The following VPS51 variants were observed in gnomAD, a reference collection of about 807,000 sequenced individuals.
The protein encoded by VPS51 is VPS51 subunit of GARP complex.
Under a neutral mutation model 65.1 loss-of-function variants are expected in VPS51, and 55 were observed. That is an observed-to-expected ratio of 0.84 (90% CI 0.68 to 1.06). VPS51 has a LOEUF of 1.06. Ranked by LOEUF, VPS51 falls within the 50% of genes least tolerant of loss-of-function variation. VPS51 has a pLI of 0.00. For synonymous variants in VPS51, 473 were observed against 489.5 expected, an observed-to-expected ratio of 0.97 and a Z score of 0.44; for missense variants, 943 against 1,101.6, an observed-to-expected ratio of 0.86 and a Z score of 2.04.
chr11:65,109,194 G>T, intron 5 of VPS51, 86 bp from the exon 6 acceptor site: 1 of 1,413,418 alleles, frequency 7.1e-7, no homozygotes, highest in South Asian at 1.3e-5. Flanking sequence ...GAGGGGGCTG[G>T]GGCACTTAGA....
intron 2 of VPS51, among the ~76,000 whole-genome samples, chr11:65,103,011 G>A (rs1222957329): frequency 2.0e-5 from 3 of 152,166 alleles, no homozygotes; most frequent in South Asian, 4.1e-4. Context: ...AAAATTAGCC[G>A]GGTGTGATGG....
At chr11:65,105,177 A>G (rs1590811719) in intron 2 of VPS51, among the ~76,000 whole-genome samples, 1 of 152,026 alleles carries the variant, frequency 6.6e-6, no homozygotes, top group African/African-American at 2.4e-5. Context: ...AGGCGGGTGG[A>G]TCACTTGAGG....
In VPS51 at chr11:65,108,492, G is replaced by A. The variant is rs11548902; in HGVS notation, c.1021G>A (p.Ala341Thr). 2.5e-6 allele frequency: 4 copies of A among 1,603,426 alleles called. No individual in the cohort carries two copies. The highest frequency in any genetic ancestry group is 3.4e-6 in the Non-Finnish European group (4 of 1,178,026). Residue 341 changes from alanine to threonine, a missense_variant, in exon 5 of 10, where the codon GCC becomes ACC. By Grantham distance (58) the Ala-to-Thr change is moderately conservative (BLOSUM62 0). Around this residue, in one of 2 missense-constraint regions of VPS51, gnomAD observed 855 missense variants for 953.7 expected, o/e 0.90. Transcript: ENST00000279281. Reference protein sequence around the residue: ...PAGAEKLAAFARQLGSRYFAL... With the variant: ...PAGAEKLAAFTRQLGSRYFAL... Reference sequence around the variant, plus strand: ...AGGTGCCGAGAAGCTGGCGGCCTTCGCCCGGCAGCTGGGCAGCCGCTATTT... The same window carrying A: ...AGGTGCCGAGAAGCTGGCGGCCTTCACCCGGCAGCTGGGCAGCCGCTATTT...
Position 65,110,906 on chromosome 11 carries a change from C to CTCTG in VPS51, c.2088+129_2088+132dup, listed in dbSNP as rs576561198. 3 of 1,166,278 alleles carry CTCTG rather than the reference C, an allele frequency of 2.6e-6. No individual in the cohort carries two copies. In the East Asian group the frequency reaches 7.1e-5, roughly 27 times the overall value. 72.2% of individuals were successfully genotyped at this position (1,166,278 alleles called of 1,614,324 possible). A position where few individuals can be genotyped will look rare whatever the true frequency, so the allele number is the denominator to read the frequency against. On this transcript the variant is annotated intron_variant, in intron 9 of 9. Coordinates refer to ENST00000279281, the MANE Select transcript of VPS51 (RefSeq NM_013265.4). ...CTGGGGGTGACCCTGACCCTCCAGT[C>CTCTG]TCTGTCTCTAGGGCTGTTTTTAGGT...
At chr11:65,109,985 G>T in intron 7 of VPS51, 62 bp downstream of exon 7, 1 of 1,490,304 alleles carries the variant, frequency 6.7e-7, no homozygotes, top group Admixed American at 2.0e-5. Flanking sequence ...CCTTCAAGAG[G>T]GGCTGGGGCA....
chr11:65,104,434 G>A (rs1947829040), intron 2 of VPS51, among the ~76,000 whole-genome samples: 1 of 152,198 alleles, frequency 6.6e-6, no homozygotes, highest in Non-Finnish European at 1.5e-5. Flanking sequence ...ATGATACTGA[G>A]TTTTGGAGGT....
In VPS51 at chr11:65,110,714, T is replaced by C; in HGVS notation, c.2021T>C (p.Leu674Pro). 1 of 1,614,142 alleles carries C rather than the reference T, an allele frequency of 6.2e-7. No homozygotes were observed. Among genetic ancestry groups the C allele is most frequent in the Non-Finnish European group, 8.5e-7 (1 of 1,180,016 alleles). Reference sequence around the variant, plus strand: ...TCCAGTGCCCCGATGGACACCAACCTCTTGAGCAATATCCAGAAGCTATTC... The same window carrying C: ...TCCAGTGCCCCGATGGACACCAACCCCTTGAGCAATATCCAGAAGCTATTC... ...YTPSAPMDTN[L>P]LSNIQKLFSE... The change falls in exon 9 of 10, where the codon CTC (leucine) becomes CCC (proline). Residue 674 changes from leucine (L) to proline (P), a missense_variant. Leu to Pro is a moderately conservative substitution (Grantham distance 98). Coordinates refer to ENST00000279281, the MANE Select transcript of VPS51 (RefSeq NM_013265.4).
chr11:65,110,060 C>A, intron 7 of VPS51, 137 bp downstream of exon 7: 2 of 981,344 alleles, frequency 2.0e-6, no homozygotes, highest in Non-Finnish European at 3.0e-6. Flanking sequence ...TCTCACGGGG[C>A]CAGTTCTGTA....
At chr11:65,096,744 G>T (rs2137177705) in intron 1 of VPS51, 1 of 659,938 alleles carries the variant, frequency 1.5e-6, no homozygotes, top group Non-Finnish European at 2.5e-6. Context: ...TGGCCCAAGC[G>T]TTGACAGGCG....
At chr11:65,104,961 T>C (rs1167720048) in intron 2 of VPS51, among the ~76,000 whole-genome samples, 2 of 152,242 alleles carry the variant, frequency 1.3e-5, no homozygotes, top group African/African-American at 2.4e-5. Context: ...GCAATCCATT[T>C]TGGTAAATCC....
In VPS51 at chr11:65,096,782, G is replaced by T. The variant is rs1367822155; in HGVS notation, c.229-216G>T. The T allele has an allele frequency of 5.4e-6, 4 of 744,884 alleles. No homozygotes were observed. In the East Asian group the frequency reaches 1.1e-4, roughly 20 times the overall value. 46.1% of individuals were successfully genotyped at this position (744,884 alleles called of 1,614,324 possible). On this transcript the variant is annotated intron_variant, in intron 1 of 9. Coordinates refer to ENST00000279281, the MANE Select transcript of VPS51 (RefSeq NM_013265.4). The stretch of plus-strand genomic sequence containing the variant: ...GGGCTGGGCTTAGGCCGAGCCCCAG[G>T]ATTTCAAATGCTGACAAACACCAAA...
At chr11:65,110,842 C>T (rs1350745101) in intron 9 of VPS51, 61 bp downstream of exon 9, 1 of 1,595,278 alleles carries the variant, frequency 6.3e-7, no homozygotes, top group Non-Finnish European at 8.6e-7. Flanking sequence ...CTGGAGCAGC[C>T]CCACACCTGC....
In VPS51 at chr11:65,111,802, G is replaced by C; in HGVS notation, c.*215G>C. Reference sequence around the variant, plus strand: ...CGGGTCCGCCCCCGAGCGCCGATTGGCTGGTGTGCTGGGCCCAGCATGGGC... The same window carrying C: ...CGGGTCCGCCCCCGAGCGCCGATTGCCTGGTGTGCTGGGCCCAGCATGGGC... On this transcript the variant is annotated 3_prime_UTR_variant, in exon 10 of 10. Coordinates refer to ENST00000279281, the MANE Select transcript of VPS51 (RefSeq NM_013265.4). 1.0e-6 allele frequency: 1 copy of C among 959,838 alleles called. No homozygotes were observed. The highest frequency in any genetic ancestry group is 2.6e-5 in the East Asian group (1 of 37,900). The allele number at this position is 959,838 out of a possible 1,614,324, so 59.5% of individuals were successfully genotyped here. A position where few individuals can be genotyped will look rare whatever the true frequency, so the allele number is the denominator to read the frequency against.
intron 9 of VPS51, chr11:65,111,104 A>G: frequency 1.3e-6 from 1 of 773,764 alleles, no homozygotes; most frequent in Non-Finnish European, 2.2e-6. Flanking sequence ...GCCCCGCCTC[A>G]CTCCAAGCTC....
At chr11:65,109,666 C>T in intron 6 of VPS51, 39 bp from the exon 7 acceptor site, 1 of 1,534,998 alleles carries the variant, frequency 6.5e-7, no homozygotes, top group Non-Finnish European at 8.8e-7. Context: ...GCTGCCCCCA[C>T]CATACCCACT....
rs1947851905 is a variant in VPS51, at chr11:65,107,683, G to A, written c.461G>A (p.Ser154Asn). 2 of 1,610,298 alleles carry A rather than the reference G, an allele frequency of 1.2e-6. No homozygotes were observed. The highest frequency in any genetic ancestry group is 1.1e-5 in the South Asian group (1 of 91,016). The change falls in exon 3 of 10, where the codon AGC becomes AAC. Residue 154 changes from serine (S) to asparagine (N), a missense_variant. By Grantham distance (46) the Ser-to-Asn change is conservative. This residue lies in a region of VPS51 where 855 missense variants were observed against 953.7 expected (regional missense o/e 0.90). Coordinates refer to ENST00000279281, the MANE Select transcript of VPS51 (RefSeq NM_013265.4). The surrounding 1 kb of genome is among the most constrained non-coding windows in gnomAD (Gnocchi z 4.0). ...AVITDFSARI[S>N]ATLQDRHERI... ...ATCACCGACTTCAGCGCTCGCATCA[G>A]CGCCACGCTGCAGGACCGCCACGAG... is the stretch of plus-strand genomic sequence containing the variant.
intron 9 of VPS51, chr11:65,111,069 G>A (rs1947894417): frequency 1.3e-5 from 9 of 712,468 alleles, no homozygotes; most frequent in South Asian, 4.7e-5. Flanking sequence ...TCCTCCCCAG[G>A]GTTTTCTGTT....
At chr11:65,109,674 ACTCC>A in intron 6 of VPS51, 27 bp from the exon 7 acceptor site, 1 of 1,538,034 alleles carries the variant, frequency 6.5e-7, no homozygotes, top group Non-Finnish European at 8.8e-7. Context: ...CACCATACCC[ACTCC>A]CTCTGTCCTC....
In VPS51 at chr11:65,108,749, C is replaced by T; in HGVS notation, c.1278C>T (p.Arg426=). The T allele has an allele frequency of 6.2e-7, 1 of 1,611,794 alleles. No homozygotes were observed. Among genetic ancestry groups the T allele is most frequent in the Non-Finnish European group, 8.5e-7 (1 of 1,179,818 alleles). The part of the protein sequence containing the change: ...AAFLGCLTDV[R]QALAAPRVAG... ...TCCTGGGCTGCCTGACAGACGTCCG[C>T]CAGGCGCTGGCAGCACCTCGCGTGG... Residue 426 remains arginine, a synonymous_variant, in exon 5 of 10, where the codon CGC becomes CGT. Transcript: ENST00000279281.
Sources: allele counts gnomAD v4.1 joint callset (sites outside exome capture counted in the v4.1 genomes callset), GRCh38; gene constraint gnomAD v4.1.1; regional missense constraint gnomAD v4.1.1; non-coding constraint Gnocchi (gnomAD v3.1); transcripts MANE v1.5; gene names NCBI Gene and HGNC (gene_info 2026-07-23, HGNC 2026-07-21).